Variants in CSMD1 observed in about 807,000 individuals in gnomAD.
The protein encoded by CSMD1 is CUB and sushi domain-containing protein 1.
CSMD1 carries 213 observed loss-of-function variants against 417.5 expected under a neutral mutation model. The ratio of observed to expected loss-of-function variants is 0.51; its 90% CI spans 0.46 to 0.57. The LOEUF (loss-of-function observed/expected upper bound fraction) is 0.57, where lower values mean the gene tolerates loss of function less well. CSMD1 is among the 20% of genes least tolerant of loss of function. The pLI is 0.00. For missense variants in CSMD1, 6,923 were observed against 4,529.7 expected (o/e 1.53, Z -15.17); for synonymous variants, 2,862 against 1,736.8 (o/e 1.65, Z -16.11).
At chr8:4,152,118 T>A (rs1041863377) in intron 3 of CSMD1, among the ~76,000 whole-genome samples, 2 of 152,152 alleles carry the variant, frequency 1.3e-5, no homozygotes, top group Non-Finnish European at 2.9e-5. Flanking sequence ...TACAGGAAAT[T>A]GTATAGAAAA....
intron 26 of CSMD1, among the ~76,000 whole-genome samples, chr8:3,258,290 G>C (rs995221535): frequency 6.6e-6 from 1 of 152,128 alleles, no homozygotes; most frequent in Non-Finnish European, 1.5e-5. Context: ...CAAAGGACAT[G>C]AACAGACACT....
intron 2 of CSMD1, among the ~76,000 whole-genome samples, chr8:4,534,855 C>T (rs971372776): frequency 3.9e-5 from 6 of 152,206 alleles, no homozygotes; most frequent in African/African-American, 1.2e-4. Context: ...CTCCGCCTCC[C>T]GGGTTCATGT....
chr8:2,965,529 C>T (rs1276476603), intron 59 of CSMD1, among the ~76,000 whole-genome samples: 2 of 152,140 alleles, frequency 1.3e-5, no homozygotes, highest in African/African-American at 4.8e-5. Context: ...CACTGAACCC[C>T]GACATCTCCA....
At position 4,144,685 on chromosome 8, in the gene CSMD1, G is replaced by A. The variant is rs1442998557; in HGVS notation, c.416-112586C>T. ...AGGACCTCTATGTCCCGACTGTGCG[G>A]TTTTACATACTCGGCAAAGAGTGGA... is the stretch of plus-strand genomic sequence containing the variant. On this transcript the variant is annotated intron_variant, in intron 3 of 69. Coordinates refer to ENST00000635120, the MANE Select transcript of CSMD1 (RefSeq NM_033225.6). Among the ~76,000 whole-genome samples the A allele has an allele frequency of 2.0e-5, 3 of 151,084 alleles. 1 individual carries two copies. Among genetic ancestry groups the A allele is most frequent in the African/African-American group, 4.9e-5 (2 of 40,414 alleles).
intron 10 of CSMD1, among the ~76,000 whole-genome samples, chr8:3,517,234 G>A (rs1045246785): frequency 1.4e-4 from 22 of 152,180 alleles, no homozygotes; most frequent in African/African-American, 5.3e-4. Flanking sequence ...AATAAAATCT[G>A]TGATTAGAGG....
At chr8:4,548,764 C>G (rs979567350) in intron 2 of CSMD1, among the ~76,000 whole-genome samples, 1 of 152,074 alleles carries the variant, frequency 6.6e-6, no homozygotes, top group Non-Finnish European at 1.5e-5. Context: ...CAGCTGCATT[C>G]CCAGGTGCCT....
At chr8:3,310,764 G>A (rs75007955) in intron 23 of CSMD1, among the ~76,000 whole-genome samples, 1,953 of 151,450 alleles carry the variant, frequency 0.013, 39 homozygotes, top group African/African-American at 0.044. Context: ...GCTGTGAATG[G>A]CAGCGGGGCC....
At chr8:4,574,556 G>C (rs2130670223) in intron 2 of CSMD1, among the ~76,000 whole-genome samples, 1 of 152,306 alleles carries the variant, frequency 6.6e-6, no homozygotes. Flanking sequence ...GCAGACGGGA[G>C]CTGTTCCTAT....
In CSMD1 at chr8:3,411,776, A is replaced by G. The variant is rs1341693118; in HGVS notation, c.1562-2171T>C. ...TGTATATACGTGTATATACGTGTGTATATACCTGTATATATACACGTATAT... is the reference window on the plus strand; with the variant it reads ...TGTATATACGTGTATATACGTGTGTGTATACCTGTATATATACACGTATAT... On this transcript the variant is annotated intron_variant, in intron 12 of 69. Coordinates refer to ENST00000635120, the MANE Select transcript of CSMD1 (RefSeq NM_033225.6). Among the ~76,000 whole-genome samples, 14 of 130,378 alleles carry G rather than the reference A, an allele frequency of 1.1e-4. 1 individual carries two copies. Among genetic ancestry groups the G allele is most frequent in the Non-Finnish European group, 1.6e-4 (10 of 61,596 alleles). The allele number at this position is 130,378 out of a possible 152,430, so 85.5% of individuals were successfully genotyped here. A position where few individuals can be genotyped will look rare whatever the true frequency, so the allele number is the denominator to read the frequency against.
intron 7 of CSMD1, among the ~76,000 whole-genome samples, chr8:3,640,462 G>A (rs920126256): frequency 6.6e-6 from 1 of 152,116 alleles, no homozygotes; most frequent in Non-Finnish European, 1.5e-5. Flanking sequence ...CCTCAACTCT[G>A]GAAATAGTTG....
At chr8:4,399,415 C>T (rs191279450) in intron 3 of CSMD1, among the ~76,000 whole-genome samples, 2 of 152,240 alleles carry the variant, frequency 1.3e-5, no homozygotes, top group South Asian at 2.1e-4. Context: ...AAGAGGTTAA[C>T]GTCATATGTG....
chr8:3,281,755 C>A (rs1268270708), intron 26 of CSMD1, among the ~76,000 whole-genome samples: 1 of 152,170 alleles, frequency 6.6e-6, no homozygotes, highest in East Asian at 1.9e-4. Context: ...ACTACAGATG[C>A]ATTTTTCCAA....
At chr8:3,506,399 A>G (rs1463095325) in intron 10 of CSMD1, among the ~76,000 whole-genome samples, 1 of 152,176 alleles carries the variant, frequency 6.6e-6, no homozygotes, top group Admixed American at 6.5e-5. Flanking sequence ...ACACGTTTTT[A>G]CACATGTGTA....
chr8:2,969,273 AT>A (rs1804230729), intron 57 of CSMD1, among the ~76,000 whole-genome samples: 2 of 152,144 alleles, frequency 1.3e-5, no homozygotes, highest in Non-Finnish European at 2.9e-5. Flanking sequence ...ACTCTTACTT[AT>A]TGAGTAAAGT....
chr8:3,447,820 C>T (rs897591395), intron 12 of CSMD1, among the ~76,000 whole-genome samples: 4 of 152,072 alleles, frequency 2.6e-5, no homozygotes, highest in African/African-American at 7.2e-5. Context: ...CACTTGGGGC[C>T]ATTTTTGGGT....
Position 3,772,167 on chromosome 8 carries a change from C to CATATATATATATAT in CSMD1, c.819-18139_819-18126dup, listed in dbSNP as rs375018980. Among the ~76,000 whole-genome samples, 39 of 44,864 alleles carry CATATATATATATAT rather than the reference C, an allele frequency of 8.7e-4. 2 individuals are homozygous for CATATATATATATAT. The highest frequency in any genetic ancestry group is 0.013 in the Middle Eastern group (1 of 78). 29.4% of individuals were successfully genotyped at this position (44,864 alleles called of 152,430 possible). Reference sequence around the variant, plus strand: ...CTCCTTGAATTCTCAGAAAGGGCAACATATATATATATATATATATATACA... The same window carrying CATATATATATATAT: ...CTCCTTGAATTCTCAGAAAGGGCAACATATATATATATATATATATATATATATATATATATACA... On this transcript the variant is annotated intron_variant, in intron 5 of 69. Transcript: ENST00000635120.
intron 5 of CSMD1, among the ~76,000 whole-genome samples, chr8:3,972,766 A>G (rs576835676): frequency 6.6e-6 from 1 of 152,370 alleles, no homozygotes; most frequent in African/African-American, 2.4e-5. Context: ...AAATGTATAT[A>G]TTCAATGATC....
chr8:4,689,953 G>A (rs377548738), intron 1 of CSMD1, among the ~76,000 whole-genome samples: 38 of 152,198 alleles, frequency 2.5e-4, no homozygotes, highest in Admixed American at 9.2e-4. Flanking sequence ...CCTGCAGGAA[G>A]TGGGCTGTAT....
At chr8:4,398,599 G>C (rs909157339) in intron 3 of CSMD1, among the ~76,000 whole-genome samples, 6 of 151,870 alleles carry the variant, frequency 4.0e-5, no homozygotes, top group Non-Finnish European at 7.4e-5. Flanking sequence ...GTTTCACCGT[G>C]TTAGCCAGGA....
Sources: allele counts gnomAD v4.1 joint callset (sites outside exome capture counted in the v4.1 genomes callset), GRCh38; gene constraint gnomAD v4.1.1; transcripts MANE v1.5; gene names NCBI Gene and HGNC (gene_info 2026-07-23, HGNC 2026-07-21).